The following ALMS1 variants were observed in gnomAD, a reference collection of about 807,000 sequenced individuals.
The protein encoded by ALMS1 is centrosome-associated protein ALMS1.
ALMS1 carries 271 observed loss-of-function variants against 352.2 expected under a neutral mutation model. The observed-to-expected ratio is 0.77, with a 90% CI of 0.70 to 0.85. The LOEUF (loss-of-function observed/expected upper bound fraction) is 0.85. Among genes scored for constraint, ALMS1 ranks in the 40% least tolerant of loss-of-function variants. The pLI is 0.00. For missense variants in ALMS1, 5,445 were observed against 4,870.7 expected, an observed-to-expected ratio of 1.12 and a Z score of -3.51; for synonymous variants, 1,865 against 1,761.2, an observed-to-expected ratio of 1.06 and a Z score of -1.48.
chr2:73,475,940 A>G (rs1672574958), intron 9 of ALMS1, among the ~76,000 whole-genome samples: 5 of 152,000 alleles, frequency 3.3e-5, no homozygotes, highest in Admixed American at 3.3e-4. Flanking sequence ...ATTGTTAAGT[A>G]TATGGTTCAG....
intron 16 of ALMS1, among the ~76,000 whole-genome samples, chr2:73,580,202 C>T (rs567344095): frequency 2.0e-5 from 3 of 152,232 alleles, no homozygotes; most frequent in East Asian, 1.9e-4. Flanking sequence ...CTCAGCTTTC[C>T]GAGTAGCTGG....
At chr2:73,568,796 T>A (rs1039297925) in intron 15 of ALMS1, among the ~76,000 whole-genome samples, 1 of 152,112 alleles carries the variant, frequency 6.6e-6, no homozygotes, top group African/African-American at 2.4e-5. Context: ...TATTTTCATG[T>A]ACTTTTATAT....
intron 10 of ALMS1, among the ~76,000 whole-genome samples, chr2:73,493,449 G>A (rs1053943226): frequency 4.0e-5 from 6 of 151,614 alleles, no homozygotes; most frequent in African/African-American, 1.2e-4. Context: ...AGGGCTGGGT[G>A]CGGTGGCTCA....
intron 6 of ALMS1, among the ~76,000 whole-genome samples, chr2:73,428,216 A>G (rs1451222122): frequency 3.3e-5 from 5 of 152,202 alleles, no homozygotes; most frequent in Admixed American, 2.6e-4. Context: ...TGTCAATCCT[A>G]TCAAATAGAA....
At chr2:73,432,328 C>A in intron 7 of ALMS1, 37 bp downstream of exon 7, 2 of 1,463,132 alleles carry the variant, frequency 1.4e-6, no homozygotes, top group South Asian at 1.1e-5. Context: ...GTCCTACTTA[C>A]GGATACCTTG....
At chr2:73,500,727 AGT>A (rs1239525560) in intron 10 of ALMS1, among the ~76,000 whole-genome samples, 106 of 152,182 alleles carry the variant, frequency 7.0e-4, no homozygotes, top group Non-Finnish European at 1.2e-3. Flanking sequence ...GGCTATATTG[AGT>A]TCAGGCCAAG....
intron 1 of ALMS1, among the ~76,000 whole-genome samples, chr2:73,391,383 T>A (rs1011677914): frequency 7.3e-6 from 1 of 137,810 alleles, no homozygotes; most frequent in African/African-American, 2.9e-5. Context: ...AAACTCAGCC[T>A]CCCGAGTTCA....
chr2:73,496,222 C>T (rs984262609), intron 10 of ALMS1, among the ~76,000 whole-genome samples: 6 of 152,202 alleles, frequency 3.9e-5, no homozygotes, highest in Non-Finnish European at 8.8e-5. Flanking sequence ...CCAAATTCCC[C>T]TATGCCGTTC....
chr2:73,428,398 G>A (rs540830673), intron 6 of ALMS1, among the ~76,000 whole-genome samples: 1 of 151,796 alleles, frequency 6.6e-6, no homozygotes, highest in Non-Finnish European at 1.5e-5. Context: ...AACTATTCTT[G>A]GTGAAACTAA....
intron 21 of ALMS1, among the ~76,000 whole-genome samples, chr2:73,605,458 A>G (rs1303721469): frequency 1.3e-5 from 2 of 152,380 alleles, no homozygotes; most frequent in African/African-American, 4.8e-5. Context: ...AGATTCATTC[A>G]AATAATGAAA....
At chr2:73,441,464 C>G (rs1035089150) in intron 7 of ALMS1, among the ~76,000 whole-genome samples, 3 of 152,110 alleles carry the variant, frequency 2.0e-5, no homozygotes, top group African/African-American at 7.2e-5. Context: ...GCAAGCCTAC[C>G]TGTTGCTGCT....
chr2:73,508,082 C>T (rs72811934), intron 10 of ALMS1, among the ~76,000 whole-genome samples: 2,563 of 151,868 alleles, frequency 0.017, 83 homozygotes, highest in African/African-American at 0.053. Flanking sequence ...TGTAGTTGTG[C>T]GGTTTTGAGT....
intron 21 of ALMS1, among the ~76,000 whole-genome samples, chr2:73,606,910 G>C (rs1322261424): frequency 6.6e-6 from 1 of 152,206 alleles, no homozygotes; most frequent in South Asian, 2.1e-4. Flanking sequence ...AAAGAACATA[G>C]CTCTTTTATT....
At chr2:73,399,259 T>C (rs2103652346) in intron 1 of ALMS1, among the ~76,000 whole-genome samples, 2 of 152,320 alleles carry the variant, frequency 1.3e-5, no homozygotes, top group Middle Eastern at 3.4e-3. Context: ...TTGCATTAGC[T>C]ATGACCTCCA....
chr2:73,515,868 A>G (rs771780753), intron 10 of ALMS1, among the ~76,000 whole-genome samples: 4 of 152,072 alleles, frequency 2.6e-5, no homozygotes, highest in Non-Finnish European at 5.9e-5. Context: ...AGAAATGGAT[A>G]AATTCCTGGA....
chr2:73,458,119 AACCATCTTGTGTTTC>A (rs2103804947), intron 9 of ALMS1: 1 of 151,168 alleles, frequency 6.6e-6, no homozygotes, highest in East Asian at 1.9e-4. Flanking sequence ...ACTGTCATTC[AACCATCTTGTGTTTC>A]ACCATCTTAT....
Position 73,600,898 on chromosome 2 carries a change from A to G in ALMS1, c.11872+17A>G. 6.2e-7 allele frequency: 1 copy of G among 1,608,848 alleles called. No homozygotes were observed. The highest frequency in any genetic ancestry group is 1.3e-5 in the African/African-American group (1 of 74,724). Reference sequence around the variant, plus strand: ...CCCATGAAGGTCAGTTTCTCATTCCAGATCTTGTAGTAGAGAAACTAGTGA... The same window carrying G: ...CCCATGAAGGTCAGTTTCTCATTCCGGATCTTGTAGTAGAGAAACTAGTGA... On this transcript the variant is annotated intron_variant, in intron 18 of 22. Coordinates refer to ENST00000613296, the MANE Select transcript of ALMS1 (RefSeq NM_001378454.1).
At chr2:73,458,801 G>A (rs1672127141) in intron 9 of ALMS1, 1 of 152,256 alleles carries the variant, frequency 6.6e-6, no homozygotes, top group Non-Finnish European at 1.5e-5. Flanking sequence ...GTGGAAGGCA[G>A]TGGTTCTTGA....
intron 10 of ALMS1, among the ~76,000 whole-genome samples, chr2:73,495,199 T>G (rs1444178392): frequency 6.6e-6 from 1 of 152,172 alleles, no homozygotes; most frequent in East Asian, 1.9e-4. Flanking sequence ...ATCAACTGTT[T>G]CATTAAAAAT....
Sources: allele counts gnomAD v4.1 joint callset (sites outside exome capture counted in the v4.1 genomes callset), GRCh38; gene constraint gnomAD v4.1.1; transcripts MANE v1.5; gene names NCBI Gene and HGNC (gene_info 2026-07-23, HGNC 2026-07-21).